Variants in YARS1 observed in about 807,000 individuals in gnomAD.
YARS1 encodes tyrosine--tRNA ligase, cytoplasmic.
Under a neutral mutation model 62.2 loss-of-function variants are expected in YARS1, and 36 were observed. The ratio of observed to expected loss-of-function variants is 0.58; its 90% CI spans 0.44 to 0.76. YARS1 has a LOEUF of 0.76. Among genes scored for constraint, YARS1 ranks in the 30% least tolerant of loss-of-function variants. YARS1 has a pLI of 0.00. For missense variants in YARS1, 524 were observed against 639.8 expected, an observed-to-expected ratio of 0.82 and a Z score of 1.95; for synonymous variants, 234 against 244.9, an observed-to-expected ratio of 0.96 and a Z score of 0.42.
At position 32,777,046 on chromosome 1, in the gene YARS1, T is replaced by G. The variant is rs943856897; in HGVS notation, c.1477-955A>C. Among the ~76,000 whole-genome samples the G allele has an allele frequency of 5.3e-5, 8 of 151,850 alleles. No homozygotes were observed. The East Asian group carries it at 5.9e-4, about 11-fold the overall frequency. ...GCAACCCCTCAATTTTTTTTTTTTT[T>G]GGGATGGAGTTTTGCTCTCATTGCC... On this transcript the variant is annotated intron_variant, in intron 12 of 12. Coordinates refer to ENST00000373477, the MANE Select transcript of YARS1 (RefSeq NM_003680.4).
intron 8 of YARS1, among the ~76,000 whole-genome samples, chr1:32,785,908 T>C (rs1305871789): frequency 7.4e-6 from 1 of 134,662 alleles, no homozygotes; most frequent in Non-Finnish European, 1.6e-5. Flanking sequence ...TTTTTTTTTT[T>C]AGTATCTCAT....
At chr1:32,809,838 G>C (rs1638543049) in intron 3 of YARS1, among the ~76,000 whole-genome samples, 1 of 152,218 alleles carries the variant, frequency 6.6e-6, no homozygotes, top group African/African-American at 2.4e-5. Flanking sequence ...GGGCGCAGTG[G>C]CTTATGCCTA....
intron 3 of YARS1, among the ~76,000 whole-genome samples, chr1:32,810,241 T>G (rs572204147): frequency 6.6e-6 from 1 of 152,372 alleles, no homozygotes; most frequent in South Asian, 2.1e-4. Context: ...GAAATATTTT[T>G]CTTTCACATT....
chr1:32,779,326 C>A, intron 12 of YARS1, 56 bp downstream of exon 12: 3 of 1,613,710 alleles, frequency 1.9e-6, no homozygotes, highest in Non-Finnish European at 2.5e-6. Context: ...ACAGGACAGT[C>A]TGGGGACACA....
intron 11 of YARS1, 101 bp downstream of exon 11, chr1:32,779,984 T>A: frequency 6.9e-7 from 1 of 1,441,168 alleles, no homozygotes. Context: ...GCACGTGTTC[T>A]CAGAGCTTCC....
rs781102946 is a variant in YARS1, at chr1:32,811,023, A to C, written c.92T>G (p.Leu31Arg). ...VLGEEKLKEI[L>R]KERELKIYWG... ...GTAAATTTTAAGTTCCCGCTCCTTC[A>C]GTATCTCCTTCAGCTTCTCTTCCCC... Residue 31 changes from leucine (L) to arginine (R), a missense_variant, in exon 2 of 13, where the codon CTG (leucine) becomes CGG (arginine). Leu to Arg is a moderately radical substitution (Grantham distance 102). Coordinates refer to ENST00000373477, the MANE Select transcript of YARS1 (RefSeq NM_003680.4). The C allele has an allele frequency of 1.2e-6, 2 of 1,614,058 alleles. No homozygotes were observed. Among genetic ancestry groups the C allele is most frequent in the African/African-American group, 1.3e-5 (1 of 74,930 alleles).
chr1:32,813,485 ATTGT>A (rs1638631048), intron 1 of YARS1, among the ~76,000 whole-genome samples: 1 of 151,834 alleles, frequency 6.6e-6, no homozygotes, highest in Non-Finnish European at 1.5e-5. Context: ...TACTCAGCTA[ATTGT>A]TTGTATTTTT....
intron 11 of YARS1, 133 bp downstream of exon 11, chr1:32,779,951 CT>C: frequency 9.8e-7 from 1 of 1,025,272 alleles, no homozygotes; most frequent in Non-Finnish European, 1.5e-6. Flanking sequence ...CATGCATCAA[CT>C]TTTGGCATCA....
intron 4 of YARS1, 190 bp from the exon 5 acceptor site, chr1:32,798,033 G>T: frequency 1.8e-6 from 1 of 556,972 alleles, no homozygotes; most frequent in Admixed American, 3.0e-5. Context: ...ACCACGCCCG[G>T]CTAATTTTTT....
At position 32,776,113 on chromosome 1, in the gene YARS1, G is replaced by A. The variant is rs1323389132; in HGVS notation, c.1477-22C>T. ...CAGCCTGGACAAGACAGATAAGAGA[G>A]ATTTTAATGATGGTGGTGGGACTGC... On this transcript the variant is annotated intron_variant, in intron 12 of 12. Transcript: ENST00000373477. The surrounding 1 kb of genome is among the most constrained non-coding windows in gnomAD (Gnocchi z 4.0). 2.5e-6 allele frequency: 4 copies of A among 1,588,134 alleles called. No individual in the cohort carries two copies. Among genetic ancestry groups the A allele is most frequent in the Non-Finnish European group, 3.5e-6 (4 of 1,157,884 alleles).
intron 3 of YARS1, 78 bp from the exon 4 acceptor site, chr1:32,806,689 A>T: frequency 6.3e-7 from 1 of 1,597,534 alleles, no homozygotes. Context: ...AAGCACATTA[A>T]TTTACTTCCC....
intron 3 of YARS1, among the ~76,000 whole-genome samples, chr1:32,808,938 T>C (rs1217537438): frequency 6.6e-6 from 1 of 152,216 alleles, no homozygotes; most frequent in Non-Finnish European, 1.5e-5. Flanking sequence ...TACTTTTGCA[T>C]ATCCAGTATC....
intron 4 of YARS1, among the ~76,000 whole-genome samples, chr1:32,800,722 C>T (rs1638265563): frequency 6.6e-6 from 1 of 151,900 alleles, no homozygotes; most frequent in South Asian, 2.1e-4. Context: ...TACAGGCGCC[C>T]GTCACCACAC....
chr1:32,779,400 T>C lies in YARS1; in HGVS notation c.1458A>G (p.Lys486=). ...TTTTTACCTGCAACTTCTCGAAGAC[T>C]TTCTTCTTGGGCTTGAGCTCCTCAT... ...QPDEELKPKK[K]VFEKLQADFK... The change falls in exon 12 of 13, where the codon AAA becomes AAG. Residue 486 remains lysine (K), a synonymous_variant. Coordinates refer to ENST00000373477, the MANE Select transcript of YARS1 (RefSeq NM_003680.4). The C allele has an allele frequency of 6.2e-7, 1 of 1,614,206 alleles. No homozygotes were observed. The highest frequency in any genetic ancestry group is 1.1e-5 in the South Asian group (1 of 91,092).
intron 5 of YARS1, among the ~76,000 whole-genome samples, chr1:32,795,002 C>CAA (rs71278770): frequency 0.061 from 1,401 of 22,886 alleles, 255 homozygotes; most frequent in Non-Finnish European, 0.078. Context: ...GACTCTGTCT[C>CAA]AAAAAAAAAA....
chr1:32,810,688 T>G lies in YARS1; in HGVS notation c.283A>C (p.Ser95Arg), dbSNP rs1381862660. The change falls in exon 3 of 13, where the codon AGT becomes CGT. Residue 95 changes from serine (S) to arginine (R), a missense_variant. Transcript: ENST00000373477. Reference sequence around the variant, plus strand: ...GCTTTGATCACATTCTCATAGTAACTGACTCGGAGTTCTAGAAGTTCCCAT... The same window carrying G: ...GCTTTGATCACATTCTCATAGTAACGGACTCGGAGTTCTAGAAGTTCCCAT... ...APWELLELRV[S>R]YYENVIKAML... The G allele has an allele frequency of 6.2e-7, 1 of 1,614,182 alleles. No individual in the cohort carries two copies. The highest frequency in any genetic ancestry group is 8.5e-7 in the Non-Finnish European group (1 of 1,180,032).
chr1:32,777,328 G>A (rs960798985), intron 12 of YARS1, among the ~76,000 whole-genome samples: 3 of 151,982 alleles, frequency 2.0e-5, no homozygotes, highest in African/African-American at 7.2e-5. Flanking sequence ...ATCATGGCCA[G>A]GAGGCTTGGA....
At chr1:32,802,166 C>G (rs1638318807) in intron 4 of YARS1, among the ~76,000 whole-genome samples, 1 of 151,974 alleles carries the variant, frequency 6.6e-6, no homozygotes, top group Non-Finnish European at 1.5e-5. Context: ...CCCGGATGGT[C>G]TCGATCTCCT....
chr1:32,806,623 AG>A lies in YARS1; in HGVS notation c.381-13del. Reference sequence around the variant, plus strand: ...CTAGTGTGTACTCTCTGAAGAGGAAAGGAAGAGGGGACAGCTGTAAACCTGG... The same window carrying A: ...CTAGTGTGTACTCTCTGAAGAGGAAAGAAGAGGGGACAGCTGTAAACCTGG... On this transcript the variant is annotated splice_polypyrimidine_tract_variant and intron_variant, in intron 3 of 12. Coordinates refer to ENST00000373477, the MANE Select transcript of YARS1 (RefSeq NM_003680.4). 6.2e-7 allele frequency: 1 copy of A among 1,614,158 alleles called. No homozygotes were observed. Among genetic ancestry groups the A allele is most frequent in the East Asian group, 2.2e-5 (1 of 44,890 alleles).
Sources: allele counts gnomAD v4.1 joint callset (sites outside exome capture counted in the v4.1 genomes callset), GRCh38; gene constraint gnomAD v4.1.1; non-coding constraint Gnocchi (gnomAD v3.1); transcripts MANE v1.5; gene names NCBI Gene and HGNC (gene_info 2026-07-23, HGNC 2026-07-21).